Variants in ELOC observed in about 807,000 individuals in gnomAD.
ELOC encodes the protein elongin C.
For missense variants in ELOC, 38 were observed against 139.0 expected (o/e 0.27, Z 3.65); for synonymous variants, 40 against 51.3 (o/e 0.78, Z 0.94).
At chr8:73,956,081 T>C in intron 2 of ELOC, 27 bp from the exon 3 acceptor site, 2 of 1,602,570 alleles carry the variant, frequency 1.2e-6, no homozygotes, top group Non-Finnish European at 1.7e-6. Context: ...AGTGAAACAA[T>C]TTTTGAGTCA....
intron 2 of ELOC, among the ~76,000 whole-genome samples, chr8:73,956,766 G>A (rs569489495): frequency 6.6e-6 from 1 of 152,166 alleles, no homozygotes; most frequent in East Asian, 1.9e-4. Flanking sequence ...TGCCATGAGA[G>A]CTCGACTTCC....
chr8:73,959,573 C>T (rs553238966), intron 2 of ELOC, among the ~76,000 whole-genome samples, 192 bp downstream of exon 2: 2 of 152,182 alleles, frequency 1.3e-5, no homozygotes, highest in Non-Finnish European at 2.9e-5. Context: ...GAAACCATGT[C>T]ACACATGTGG....
At chr8:73,972,262 CAG>C (rs1370591854), upstream of ELOC, 6 of 152,506 alleles carry the variant, frequency 3.9e-5, no homozygotes, top group African/African-American at 7.2e-5. Flanking sequence ...GGCGAGGACG[CAG>C]AGTGTGTCGC....
chr8:73,956,977 C>T (rs1413796178), intron 2 of ELOC, among the ~76,000 whole-genome samples: 3 of 151,858 alleles, frequency 2.0e-5, no homozygotes, highest in Admixed American at 1.3e-4. Flanking sequence ...CGAGACCATC[C>T]TGGCTAACAC....
At chr8:73,956,112 C>G in intron 2 of ELOC, 58 bp from the exon 3 acceptor site, 1 of 1,552,520 alleles carries the variant, frequency 6.4e-7, no homozygotes, top group Non-Finnish European at 8.8e-7. Context: ...TAAAACTAAA[C>G]AGGTTTGGCT....
chr8:73,952,156 A>T (rs1330825419), intron 3 of ELOC, among the ~76,000 whole-genome samples: 3 of 152,200 alleles, frequency 2.0e-5, no homozygotes, highest in South Asian at 2.1e-4. Context: ...TCAAAATTAA[A>T]ACTTTAGGAG....
chr8:73,947,709 G>A lies in ELOC; in HGVS notation c.149-889C>T, dbSNP rs1813472490. On this transcript the variant is annotated intron_variant, in intron 3 of 3. Transcript: ENST00000520242. ...CCACCTCAGCCTCCTCGAGTAGCTGGGACCACAGGTGAGCGCCACCATGTC... is the reference window on the plus strand; with the variant it reads ...CCACCTCAGCCTCCTCGAGTAGCTGAGACCACAGGTGAGCGCCACCATGTC... 2.6e-5 allele frequency among the ~76,000 whole-genome samples: 4 copies of A among 151,756 alleles called. No individual in the cohort carries two copies. In the South Asian group the frequency reaches 8.3e-4, roughly 32 times the overall value.
At position 73,946,171 on chromosome 8, in the gene ELOC, GT is replaced by G. The variant is rs1813369101; in HGVS notation, c.*458del. ...TACTTGGAGAGTTATAAAAATCAAT[GT>G]TTTGGCTAAGTTATAAACATGTTTA... On this transcript the variant is annotated 3_prime_UTR_variant, in exon 4 of 4. Coordinates refer to ENST00000520242, the MANE Select transcript of ELOC (RefSeq NM_005648.4). 1.3e-5 allele frequency: 2 copies of G among 152,712 alleles called. No homozygotes were observed. Among genetic ancestry groups the G allele is most frequent in the Middle Eastern group, 3.4e-3 (1 of 294 alleles). The allele number at this position is 152,712 out of a possible 1,614,324, so 9.5% of individuals were successfully genotyped here.
rs191608011 is a variant in ELOC, at chr8:73,960,328, G to C, written c.-50-510C>G. Among the ~76,000 whole-genome samples the C allele has an allele frequency of 1.9e-3, 291 of 152,268 alleles. 1 individual carries two copies. Among genetic ancestry groups the C allele is most frequent in the African/African-American group, 6.2e-3 (256 of 41,532 alleles). ...AGAATTTGGCTGGTTTTTGATCCTCGTTTTGAGAGGTGGCCTCTAAATCCT... is the reference window on the plus strand; with the variant it reads ...AGAATTTGGCTGGTTTTTGATCCTCCTTTTGAGAGGTGGCCTCTAAATCCT... On this transcript the variant is annotated intron_variant, in intron 1 of 3. Transcript: ENST00000520242.
At chr8:73,950,350 C>A (rs945937141) in intron 3 of ELOC, among the ~76,000 whole-genome samples, 6 of 152,014 alleles carry the variant, frequency 3.9e-5, no homozygotes, top group African/African-American at 1.4e-4. Flanking sequence ...CACTCAAAAA[C>A]AAAAACAAAA....
chr8:73,952,845 GAATT>G (rs1349940406), intron 3 of ELOC, among the ~76,000 whole-genome samples: 2 of 151,288 alleles, frequency 1.3e-5, no homozygotes, highest in Non-Finnish European at 2.9e-5. Flanking sequence ...CTACTACTGA[GAATT>G]AATAAGGAAC....
rs1363704501 is a variant in ELOC, at chr8:73,945,571, A to C, written c.*1059T>G. 1.3e-5 allele frequency: 2 copies of C among 152,156 alleles called. No homozygotes were observed. The highest frequency in any genetic ancestry group is 3.8e-4 in the East Asian group (2 of 5,198). 9.4% of individuals were successfully genotyped at this position (152,156 alleles called of 1,614,324 possible). A position where few individuals can be genotyped will look rare whatever the true frequency, so the allele number is the denominator to read the frequency against. On this transcript the variant is annotated 3_prime_UTR_variant, in exon 4 of 4. Coordinates refer to ENST00000520242, the MANE Select transcript of ELOC (RefSeq NM_005648.4). ...AATGATGCTGTCATATTTTTTCAAA[A>C]AATTTTTTGGCTGCTTAATAGAAAA...
intron 1 of ELOC, chr8:73,970,600 G>T (rs964930355): frequency 6.6e-6 from 1 of 152,070 alleles, no homozygotes; most frequent in African/African-American, 2.4e-5. Flanking sequence ...CCTTGCCATT[G>T]TATCTCCAGA....
Position 73,959,775 on chromosome 8 carries a change from C to T in ELOC, c.-7G>A, listed in dbSNP as rs763397894. On this transcript the variant is annotated 5_prime_UTR_variant, in exon 2 of 4. Coordinates refer to ENST00000520242, the MANE Select transcript of ELOC (RefSeq NM_005648.4). ...TTATCTTTAGCTTACCCATTTTGTT[C>T]TTATGAAATTCTACTTTGCTTCCCC... 5 of 1,550,610 alleles carry T rather than the reference C, an allele frequency of 3.2e-6. No individual in the cohort carries two copies. Among genetic ancestry groups the T allele is most frequent in the Admixed American group, 1.9e-5 (1 of 51,586 alleles).
Position 73,972,081 on chromosome 8 carries a change from C to G in ELOC, c.-55G>C, listed in dbSNP as rs1042244274. 1 of 152,476 alleles carries G rather than the reference C, an allele frequency of 6.6e-6. No individual in the cohort carries two copies. 9.4% of individuals were successfully genotyped at this position (152,476 alleles called of 1,614,324 possible). ...CCGCCCCAGCCCGAGACTCACTCGT[C>G]AGTCCCGCAGCCACCGCAGCCGGGT... is the stretch of plus-strand genomic sequence containing the variant. On this transcript the variant is annotated 5_prime_UTR_variant, in exon 1 of 4. Coordinates refer to ENST00000520242, the MANE Select transcript of ELOC (RefSeq NM_005648.4).
chr8:73,951,682 A>AAC (rs1563672742), intron 3 of ELOC, among the ~76,000 whole-genome samples: 3 of 126,092 alleles, frequency 2.4e-5, no homozygotes, highest in East Asian at 2.6e-4. Flanking sequence ...ACAACAACAA[A>AAC]ACAACAGACA....
rs147829373 is a variant in ELOC at position 73,961,087 on chromosome 8, A to G, written c.-50-1269T>C. ...TTAACAATAAAGTGGTTAAAAATGT[A>G]CAAGTTTTTGAGAAATTATAAATTT... is the stretch of plus-strand genomic sequence containing the variant. On this transcript the variant is annotated intron_variant, in intron 1 of 3. Coordinates refer to ENST00000520242, the MANE Select transcript of ELOC (RefSeq NM_005648.4). Among the ~76,000 whole-genome samples the G allele has an allele frequency of 1.3e-5, 2 of 152,366 alleles. 1 individual carries two copies. The highest frequency in any genetic ancestry group is 3.9e-4 in the East Asian group (2 of 5,192).
At chr8:73,966,874 C>G (rs1252406271) in intron 1 of ELOC, among the ~76,000 whole-genome samples, 1 of 152,182 alleles carries the variant, frequency 6.6e-6, no homozygotes, top group Non-Finnish European at 1.5e-5. Flanking sequence ...TCCTATCTAT[C>G]CTTTTGCTGC....
intron 1 of ELOC, among the ~76,000 whole-genome samples, chr8:73,962,453 T>C (rs1814668668): frequency 6.6e-6 from 1 of 152,182 alleles, no homozygotes; most frequent in African/African-American, 2.4e-5. Context: ...CCTCAAATAG[T>C]TCTCTAAAAT....
Sources: allele counts gnomAD v4.1 joint callset (sites outside exome capture counted in the v4.1 genomes callset), GRCh38; gene constraint gnomAD v4.1.1; transcripts MANE v1.5; gene names NCBI Gene and HGNC (gene_info 2026-07-23, HGNC 2026-07-21).